SLC38A8: variants seen among roughly 807,000 people sequenced by gnomAD.
SLC38A8 encodes solute carrier family 38 member 8, also known as amino acid transporter SLC38A8.
SLC38A8 carries 65 observed loss-of-function variants against 46.0 expected under a neutral mutation model. That is an observed-to-expected ratio of 1.41 (90% confidence interval 1.16 to 1.74). The LOEUF is 1.74. Among genes scored for constraint, SLC38A8 ranks in the 40% most tolerant of loss-of-function variants. The probability of loss-of-function intolerance (pLI) is 0.00; values close to 1 mark genes in which losing one functional copy is unlikely to be tolerated. For missense variants in SLC38A8, 998 were observed against 567.9 expected, an observed-to-expected ratio of 1.76 and a Z score of -7.70; for synonymous variants, 447 against 243.7, an observed-to-expected ratio of 1.83 and a Z score of -7.77.
chr16:84,031,932 C>T lies in SLC38A8; in HGVS notation c.567G>A (p.Leu189=), dbSNP rs1376494733. ...AGAGGTAGTACTGCACGGTGATGACCAGGGCCAGGTAACAGGCAGCCAGAG... is the reference window on the plus strand; with the variant it reads ...AGAGGTAGTACTGCACGGTGATGACTAGGGCCAGGTAACAGGCAGCCAGAG... ...LGTLAACYLA[L]VITVQYYLWP... Residue 189 remains leucine (L), a synonymous_variant, in exon 5 of 11, where the codon CTG becomes CTA. Transcript: ENST00000299709. 2.5e-6 allele frequency: 4 copies of T among 1,614,224 alleles called. No homozygotes were observed. Among genetic ancestry groups the T allele is most frequent in the Non-Finnish European group, 2.5e-6 (3 of 1,180,038 alleles).
intron 6 of SLC38A8, among the ~76,000 whole-genome samples, chr16:84,026,256 G>T (rs1407387866): frequency 1.3e-5 from 2 of 152,098 alleles, no homozygotes; most frequent in Non-Finnish European, 2.9e-5. Flanking sequence ...TTGAGACAGA[G>T]TCTCGCTCCA....
At chr16:84,023,149 T>C (rs536203504) in intron 6 of SLC38A8, among the ~76,000 whole-genome samples, 6 of 152,256 alleles carry the variant, frequency 3.9e-5, no homozygotes, top group South Asian at 4.2e-4. Context: ...CCTTTCCTTA[T>C]TTTTTAAAAA....
rs576479541 is a variant in SLC38A8, at chr16:84,014,911, C to T, written c.1162+1608G>A. Among the ~76,000 whole-genome samples, 16 of 151,948 alleles carry T rather than the reference C, an allele frequency of 1.1e-4. No individual in the cohort carries two copies. The South Asian group carries it at 2.9e-3, about 28-fold the overall frequency. Reference sequence around the variant, plus strand: ...CGGGGTATTGACAAAGTTGTCACCACCCACTTACCTGGGACCCTGAACAAT... The same window carrying T: ...CGGGGTATTGACAAAGTTGTCACCATCCACTTACCTGGGACCCTGAACAAT... On this transcript the variant is annotated intron_variant, in intron 9 of 10. Coordinates refer to ENST00000299709, the MANE Select transcript of SLC38A8 (RefSeq NM_001080442.3).
In SLC38A8 at chr16:84,022,906, G is replaced by A. The variant is rs756691073; in HGVS notation, c.691-17C>T. 9.2e-5 allele frequency: 143 copies of A among 1,551,158 alleles called. No homozygotes were observed. Among genetic ancestry groups the A allele is most frequent in the South Asian group, 4.7e-4 (39 of 82,294 alleles). ...TTCGTGACACTGTAAGACAGAGGGC[G>A]GCTCAGCAGGATGCTGGCTTCCCCT... On this transcript the variant is annotated splice_polypyrimidine_tract_variant and intron_variant, in intron 6 of 10. Transcript: ENST00000299709.
chr16:84,012,636 C>G (rs1326567514), intron 10 of SLC38A8, among the ~76,000 whole-genome samples: 2 of 152,220 alleles, frequency 1.3e-5, no homozygotes, highest in African/African-American at 4.8e-5. Context: ...TGGTGTCTGG[C>G]CGGCCATGGG....
chr16:84,012,401 A>G (rs115772478), intron 10 of SLC38A8, among the ~76,000 whole-genome samples: 1 of 152,182 alleles, frequency 6.6e-6, no homozygotes, highest in African/African-American at 2.4e-5. Context: ...AAAGATCCAA[A>G]TTATCTGGTC....
In SLC38A8 at chr16:84,016,625, G is replaced by C. The variant is rs937426007; in HGVS notation, c.1056C>G (p.Ile352Met). Reference sequence around the variant, plus strand: ...TGGCGAGCGTCACGGTGACCCACAGGATGGTCAGCGGCATCCGGACCCACA... The same window carrying C: ...TGGCGAGCGTCACGGTGACCCACAGCATGGTCAGCGGCATCCGGACCCACA... The part of the protein sequence containing the change: ...SGLWVRMPLT[I>M]LWVTVTLAMA... Residue 352 changes from isoleucine to methionine, a missense_variant, in exon 9 of 11, where the codon ATC (isoleucine) becomes ATG (methionine). Transcript: ENST00000299709. The C allele has an allele frequency of 6.2e-7, 1 of 1,613,930 alleles. No individual in the cohort carries two copies. The highest frequency in any genetic ancestry group is 1.7e-5 in the Admixed American group (1 of 60,030).
intron 6 of SLC38A8, among the ~76,000 whole-genome samples, chr16:84,026,174 G>A (rs370243589): frequency 6.6e-6 from 1 of 152,364 alleles, no homozygotes; most frequent in African/African-American, 2.4e-5. Flanking sequence ...AGGTTGGTGG[G>A]CAGGAGGGTG....
Position 84,036,864 on chromosome 16 carries a change from G to A in SLC38A8, c.226C>T (p.Leu76=), listed in dbSNP as rs368267268. 122 of 1,613,248 alleles carry A rather than the reference G, an allele frequency of 7.6e-5. No homozygotes were observed. In the East Asian group the frequency reaches 2.6e-3, roughly 34 times the overall value. ...LVFLISGLVI[L]GYAAAVSGQA... is the part of the protein sequence containing the mutation. ...CCACTGACAGCAGCAGCATAGCCCA[G>A]GATGACCAGCCCGCTGATCAGGAAG... The change falls in exon 3 of 11, where the codon CTG becomes TTG. Residue 76 remains leucine (L), a synonymous_variant. Transcript: ENST00000299709.
intron 9 of SLC38A8, among the ~76,000 whole-genome samples, chr16:84,015,243 T>C (rs1054716682): frequency 2.0e-5 from 3 of 152,138 alleles, no homozygotes; most frequent in Non-Finnish European, 2.9e-5. Context: ...GTCTCTGTTC[T>C]GGGCTCCAGT....
In SLC38A8 at chr16:84,029,509, G is replaced by C. The variant is rs757467184; in HGVS notation, c.675C>G (p.Ile225Met). 1.9e-6 allele frequency: 3 copies of C among 1,614,158 alleles called. No individual in the cohort carries two copies. In the East Asian group the frequency reaches 6.7e-5, roughly 36 times the overall value. ...WTSVFSVFPTICFGFQCHEAA... is the reference protein window; with the variant it reads ...WTSVFSVFPTMCFGFQCHEAA... ...CTAAAATTACCTGAAACCCGAAGCA[G>C]ATGGTGGGGAAGACACTGAACACAG... Residue 225 changes from isoleucine (I) to methionine (M), a missense_variant, in exon 6 of 11, where the codon ATC (isoleucine) becomes ATG (methionine). Ile to Met is a conservative substitution (Grantham distance 10). Transcript: ENST00000299709.
At chr16:84,016,480 G>C in intron 9 of SLC38A8, 39 bp downstream of exon 9, 1 of 1,604,104 alleles carries the variant, frequency 6.2e-7, no homozygotes, top group South Asian at 1.1e-5. Flanking sequence ...GAGCAGGGAA[G>C]AACAAGTGGG....
Position 84,031,987 on chromosome 16 carries a change from G to C in SLC38A8, c.531-19C>G. On this transcript the variant is annotated intron_variant, in intron 4 of 10. Transcript: ENST00000299709. Reference sequence around the variant, plus strand: ...TAGGATGCTAACACAGTGACCGTGTGAGGGGCTGCGCAGTGGGTGACATGT... The same window carrying C: ...TAGGATGCTAACACAGTGACCGTGTCAGGGGCTGCGCAGTGGGTGACATGT... 2 of 1,607,422 alleles carry C rather than the reference G, an allele frequency of 1.2e-6. No homozygotes were observed. The highest frequency in any genetic ancestry group is 2.2e-5 in the South Asian group (2 of 90,952).
In SLC38A8 at chr16:84,018,597, G is replaced by A. The variant is rs181420713; in HGVS notation, c.806-1310C>T. Among the ~76,000 whole-genome samples, 211 of 152,142 alleles carry A rather than the reference G, an allele frequency of 1.4e-3. 3 individuals carry two copies. The highest frequency in any genetic ancestry group is 4.9e-3 in the African/African-American group (202 of 41,512). The stretch of plus-strand genomic sequence containing the variant: ...GTCCATTAACCCATTAATCCATTAA[G>A]CCCCTGCCCCATGCCTGCCTCTTAT... On this transcript the variant is annotated intron_variant, in intron 7 of 10. Coordinates refer to ENST00000299709, the MANE Select transcript of SLC38A8 (RefSeq NM_001080442.3).
chr16:84,036,610 C>CCAGGGCCCCACGT, intron 3 of SLC38A8, 92 bp downstream of exon 3: 1 of 1,447,338 alleles, frequency 6.9e-7, no homozygotes, highest in Non-Finnish European at 9.5e-7. Flanking sequence ...AGGGCCCAGG[C>CCAGGGCCCCACGT]CAGGGCCCCA....
At position 84,041,986 on chromosome 16, in the gene SLC38A8, C is replaced by A. The variant is rs1270040963; in HGVS notation, c.172G>T (p.Ala58Ser). ...GGACTTACCAGCTCCACCAGGAAGG[C>A]AGGGACCACTCCGCCCGCTTTGGAG... ...AFSKAGGVVP[A>S]FLVELVSLVF... Residue 58 changes from alanine (A) to serine (S), a missense_variant, in exon 2 of 11, where the codon GCC becomes TCC. Ala to Ser is a moderately conservative substitution (Grantham distance 99, BLOSUM62 1). Transcript: ENST00000299709. 1.2e-6 allele frequency: 2 copies of A among 1,601,844 alleles called. No homozygotes were observed. Among genetic ancestry groups the A allele is most frequent in the African/African-American group, 1.3e-5 (1 of 74,620 alleles).
intron 6 of SLC38A8, among the ~76,000 whole-genome samples, chr16:84,027,144 G>C (rs968850943): frequency 6.6e-6 from 1 of 152,188 alleles, no homozygotes; most frequent in Non-Finnish European, 1.5e-5. Context: ...AAGGTTAAGA[G>C]ATCGAGACCA....
At chr16:84,037,548 G>C (rs531873249) in intron 2 of SLC38A8, among the ~76,000 whole-genome samples, 2 of 152,242 alleles carry the variant, frequency 1.3e-5, no homozygotes, top group African/African-American at 4.8e-5. Context: ...ATCACCTGAG[G>C]TCAGGAGTTT....
rs753650887 is a variant in SLC38A8 at position 84,031,817 on chromosome 16, C to G, written c.632+50G>C. 2 of 1,518,882 alleles carry G rather than the reference C, an allele frequency of 1.3e-6. 1 individual carries two copies. The highest frequency in any genetic ancestry group is 2.3e-5 in the South Asian group (2 of 88,720). The allele number at this position is 1,518,882 out of a possible 1,614,324, so 94.1% of individuals were successfully genotyped here. ...TCCAAGACTCCCCTCACAGACTCCC[C>G]TGCCGTGCCTCCCCGCCGAGGCTGC... On this transcript the variant is annotated intron_variant, in intron 5 of 10. Coordinates refer to ENST00000299709, the MANE Select transcript of SLC38A8 (RefSeq NM_001080442.3).
Sources: gnomAD v4.1 joint callset for allele counts (sites outside exome capture counted in the v4.1 genomes callset) on GRCh38, gnomAD v4.1.1 for gene constraint, MANE v1.5 for transcripts, NCBI Gene and HGNC (gene_info 2026-07-23, HGNC 2026-07-21) for gene names.